MDM2: variants seen among roughly 807,000 people sequenced by gnomAD.
The protein encoded by MDM2 is MDM2 proto-oncogene, also known as E3 ubiquitin-protein ligase Mdm2.
In MDM2, 11 loss-of-function variants were observed where a neutral mutation model predicts 64.3. The observed-to-expected ratio is 0.17, with a 90% CI of 0.11 to 0.28. The LOEUF is 0.28. Among genes scored for constraint, MDM2 ranks in the 10% least tolerant of loss-of-function variants. The pLI, the probability that MDM2 is intolerant of heterozygous loss-of-function variation, is 1.00. For missense variants in MDM2, 388 were observed against 577.1 expected (o/e 0.67, Z 3.36); for synonymous variants, 194 against 192.9 (o/e 1.01, Z -0.05).
intron 5 of MDM2, among the ~76,000 whole-genome samples, chr12:68,822,590 C>T (rs1307820166): frequency 6.6e-6 from 1 of 151,972 alleles, no homozygotes; most frequent in East Asian, 1.9e-4. Flanking sequence ...CTGATGTATT[C>T]ATTCCTTCAT....
chr12:68,834,862 T>C (rs1204235740), intron 8 of MDM2, among the ~76,000 whole-genome samples: 2 of 152,178 alleles, frequency 1.3e-5, no homozygotes, highest in Admixed American at 6.5e-5. Flanking sequence ...TTATATATGC[T>C]CCTACCCTTA....
intron 8 of MDM2, among the ~76,000 whole-genome samples, chr12:68,833,945 G>A (rs562150054): frequency 6.6e-6 from 1 of 152,248 alleles, no homozygotes; most frequent in East Asian, 1.9e-4. Flanking sequence ...AATCTGATTG[G>A]TAGTAGAGCC....
At chr12:68,828,645 A>G in intron 7 of MDM2, 126 bp from the exon 8 acceptor site, 1 of 711,484 alleles carries the variant, frequency 1.4e-6, no homozygotes, top group African/African-American at 1.8e-5. Context: ...GGACAGATTC[A>G]ATAAAACAGT....
intron 8 of MDM2, among the ~76,000 whole-genome samples, chr12:68,833,720 T>TAACAAA (rs1883090447): frequency 6.6e-6 from 1 of 152,102 alleles, no homozygotes; most frequent in Non-Finnish European, 1.5e-5. Flanking sequence ...TAGGCATGGC[T>TAACAAA]GTGTTCAATA....
chr12:68,823,487 C>A (rs1341374575), intron 5 of MDM2, among the ~76,000 whole-genome samples: 1 of 152,210 alleles, frequency 6.6e-6, no homozygotes, highest in Non-Finnish European at 1.5e-5. Context: ...TAACTCCTTT[C>A]TTCCTTGCCT....
At position 68,842,696 on chromosome 12, in the gene MDM2, T is replaced by C; in HGVS notation, c.*2847T>C. 1 of 199,362 alleles carries C rather than the reference T, an allele frequency of 5.0e-6. No individual in the cohort carries two copies. Among genetic ancestry groups the C allele is most frequent in the Non-Finnish European group, 1.1e-5 (1 of 95,084 alleles). The allele number at this position is 199,362 out of a possible 1,614,324, so 12.3% of individuals were successfully genotyped here. A position where few individuals can be genotyped will look rare whatever the true frequency, so the allele number is the denominator to read the frequency against. ...TCAAAAATTTATGGCTAGTGATATA[T>C]ATAAAGTAAAATTTTCTTTGCAGTA... On this transcript the variant is annotated 3_prime_UTR_variant, in exon 11 of 11. Transcript: ENST00000258149.
At position 68,839,316 on chromosome 12, in the gene MDM2, C is replaced by G. The variant is rs78419579; in HGVS notation, c.961C>G (p.Leu321Val). The G allele has an allele frequency of 1.2e-6, 2 of 1,613,872 alleles. No homozygotes were observed. Among genetic ancestry groups the G allele is most frequent in the East Asian group, 2.2e-5 (1 of 44,856 alleles). The change falls in exon 11 of 11, where the codon CTT becomes GTT. Residue 321 changes from leucine (L) to valine (V), a missense_variant. Coordinates refer to ENST00000258149, the MANE Select transcript of MDM2 (RefSeq NM_002392.6). ...CTSCNEMNPPLPSHCNRCWAL... is the reference protein window; with the variant it reads ...CTSCNEMNPPVPSHCNRCWAL... The stretch of plus-strand genomic sequence containing the variant: ...TTCATGCAATGAAATGAATCCCCCC[C>G]TTCCATCACATTGCAACAGATGTTG...
At chr12:68,826,419 C>G (rs3730586) in intron 7 of MDM2, among the ~76,000 whole-genome samples, 1 of 151,602 alleles carries the variant, frequency 6.6e-6, no homozygotes, top group Non-Finnish European at 1.5e-5. Flanking sequence ...AAGGCCGAAG[C>G]GGGTGGATCT....
chr12:68,829,442 G>A (rs750098057), intron 8 of MDM2, among the ~76,000 whole-genome samples: 1 of 152,138 alleles, frequency 6.6e-6, no homozygotes, highest in Non-Finnish European at 1.5e-5. Context: ...CTAGACATCA[G>A]GTAAGTTCTA....
intron 2 of MDM2, among the ~76,000 whole-genome samples, chr12:68,812,994 T>C (rs1881040161): frequency 6.6e-6 from 1 of 152,156 alleles, no homozygotes; most frequent in African/African-American, 2.4e-5. Context: ...TAGTAGAAGC[T>C]CAATAAATGT....
chr12:68,842,368 A>G lies in MDM2; in HGVS notation c.*2519A>G, dbSNP rs550168792. 50 of 495,156 alleles carry G rather than the reference A, an allele frequency of 1.0e-4. No homozygotes were observed. The highest frequency in any genetic ancestry group is 1.6e-4 in the Admixed American group (7 of 43,542). The allele number at this position is 495,156 out of a possible 1,614,324, so 30.7% of individuals were successfully genotyped here. A position where few individuals can be genotyped will look rare whatever the true frequency, so the allele number is the denominator to read the frequency against. Reference sequence around the variant, plus strand: ...TGATATAACAGTTAACAGGATGCAGACATGGCAGAGGTTTCCTAAAAATCT... The same window carrying G: ...TGATATAACAGTTAACAGGATGCAGGCATGGCAGAGGTTTCCTAAAAATCT... On this transcript the variant is annotated 3_prime_UTR_variant, in exon 11 of 11. Coordinates refer to ENST00000258149, the MANE Select transcript of MDM2 (RefSeq NM_002392.6).
chr12:68,845,612 AG>A (rs1309504902), downstream of MDM2: 1 of 178,150 alleles, frequency 5.6e-6, no homozygotes, highest in African/African-American at 2.4e-5. Flanking sequence ...TCTCCTTTAA[AG>A]ACTTTAAAAA....
chr12:68,828,905 G>T lies in MDM2; in HGVS notation c.658G>T (p.Glu220Ter). 1 of 1,613,968 alleles carries T rather than the reference G, an allele frequency of 6.2e-7. No homozygotes were observed. Among genetic ancestry groups the T allele is most frequent in the East Asian group, 2.2e-5 (1 of 44,868 alleles). ...EICCERSSSSESTGTPSNPDL... is the reference protein window; with the variant it reads ...EICCERSSSS The stretch of plus-strand genomic sequence containing the variant: ...ATGTTGTGAAAGAAGCAGTAGCAGT[G>T]AATCTACAGGGACGCCATCGAATCC... Residue 220 changes from glutamate (E) to a stop codon, truncating the protein, a stop_gained, in exon 8 of 11, where the codon GAA becomes TAA. Coordinates refer to ENST00000258149, the MANE Select transcript of MDM2 (RefSeq NM_002392.6). LOFTEE classifies it high-confidence loss of function.
intron 1 of MDM2, chr12:68,809,004 G>C: frequency 6.9e-7 from 1 of 1,455,652 alleles, no homozygotes; most frequent in Non-Finnish European, 9.0e-7. Context: ...TTTAAACCAT[G>C]CATTTTCCCA....
chr12:68,842,596 A>G lies in MDM2; in HGVS notation c.*2747A>G, dbSNP rs1209827165. 6 of 305,170 alleles carry G rather than the reference A, an allele frequency of 2.0e-5. No individual in the cohort carries two copies. The highest frequency in any genetic ancestry group is 3.2e-5 in the Non-Finnish European group (5 of 155,962). 18.9% of individuals were successfully genotyped at this position (305,170 alleles called of 1,614,324 possible). A position where few individuals can be genotyped will look rare whatever the true frequency, so the allele number is the denominator to read the frequency against. On this transcript the variant is annotated 3_prime_UTR_variant, in exon 11 of 11. Transcript: ENST00000258149. ...ACTCTTTACTGATATGTTTGTAAAT[A>G]CAGAAGTGAAATGTGGACATAAAAT... is the stretch of plus-strand genomic sequence containing the variant.
Position 68,830,139 on chromosome 12 carries a change from A to G in MDM2, c.684+1208A>G, listed in dbSNP as rs144627536. Among the ~76,000 whole-genome samples, 29 of 152,260 alleles carry G rather than the reference A, an allele frequency of 1.9e-4. No individual in the cohort carries two copies. In the East Asian group the frequency reaches 4.0e-3, roughly 21 times the overall value. On this transcript the variant is annotated intron_variant, in intron 8 of 10. Coordinates refer to ENST00000258149, the MANE Select transcript of MDM2 (RefSeq NM_002392.6). ...TGTGTGGCCCAAGACAATTCTTCCAATGTCGCCCACGGAAACCAAAGGATT... is the reference window on the plus strand; with the variant it reads ...TGTGTGGCCCAAGACAATTCTTCCAGTGTCGCCCACGGAAACCAAAGGATT...
chr12:68,815,188 A>T (rs968849404), intron 3 of MDM2, among the ~76,000 whole-genome samples: 8 of 152,222 alleles, frequency 5.3e-5, no homozygotes, highest in African/African-American at 1.9e-4. Context: ...TCATTGGATA[A>T]TCAGTTAAGG....
At chr12:68,833,247 TTA>T (rs201342956) in intron 8 of MDM2, among the ~76,000 whole-genome samples, 32 of 73,002 alleles carry the variant, frequency 4.4e-4, no homozygotes, top group Admixed American at 1.1e-3. Context: ...TATTACATTG[TTA>T]TATATATTTA....
At chr12:68,835,745 C>T in intron 8 of MDM2, 84 bp from the exon 9 acceptor site, 2 of 1,322,142 alleles carry the variant, frequency 1.5e-6, no homozygotes, top group African/African-American at 1.5e-5. Context: ...CTGGCAGCAG[C>T]AGAGGCACAG....
Sources: allele counts gnomAD v4.1 joint callset (sites outside exome capture counted in the v4.1 genomes callset), GRCh38; gene constraint gnomAD v4.1.1; transcripts MANE v1.5; gene names NCBI Gene and HGNC (gene_info 2026-07-23, HGNC 2026-07-21).